MYOM2: variants seen among roughly 807,000 people sequenced by gnomAD.
MYOM2 encodes the protein myomesin 2, also known as myomesin-2.
MYOM2 carries 254 observed loss-of-function variants against 187.6 expected under a neutral mutation model. That is an observed-to-expected ratio of 1.35 (90% confidence interval 1.22 to 1.50). The LOEUF (loss-of-function observed/expected upper bound fraction) is 1.50. Among genes scored for constraint, MYOM2 ranks in the 40% most tolerant of loss-of-function variants. The probability of loss-of-function intolerance (pLI) is 0.00; values close to 1 mark genes in which losing one functional copy is unlikely to be tolerated. For synonymous variants in MYOM2, 981 were observed against 753.8 expected, an observed-to-expected ratio of 1.30 and a Z score of -4.94; for missense variants, 2,796 against 1,924.0, an observed-to-expected ratio of 1.45 and a Z score of -8.48.
chr8:2,058,328 G>C (rs571245129), intron 5 of MYOM2, among the ~76,000 whole-genome samples: 1 of 152,154 alleles, frequency 6.6e-6, no homozygotes, highest in East Asian at 1.9e-4. Flanking sequence ...AGAGTGTATT[G>C]TTTAAAAGTC....
intron 8 of MYOM2, among the ~76,000 whole-genome samples, chr8:2,071,934 C>T (rs1819236941): frequency 6.6e-6 from 1 of 152,172 alleles, no homozygotes; most frequent in Admixed American, 6.5e-5. Context: ...ACGATCTCAT[C>T]CCACCCTCAT....
Position 2,123,557 on chromosome 8 carries a change from G to C in MYOM2, c.3570G>C (p.Leu1190Phe), listed in dbSNP as rs1021074572. The C allele has an allele frequency of 1.9e-6, 3 of 1,613,028 alleles. No homozygotes were observed. Among genetic ancestry groups the C allele is most frequent in the Non-Finnish European group, 1.7e-6 (2 of 1,179,032 alleles). Reference protein sequence around the residue: ...RGICELLIPKLSKKDHGEYKA... With the variant: ...RGICELLIPKFSKKDHGEYKA... Reference sequence around the variant, plus strand: ...TATGGAATGTGTTTTCTTTGTAGTTGTCAAAGAAGGACCACGGTGAATACA... The same window carrying C: ...TATGGAATGTGTTTTCTTTGTAGTTCTCAAAGAAGGACCACGGTGAATACA... The change falls in exon 30 of 37, where the codon TTG (leucine) becomes TTC (phenylalanine). Residue 1190 changes from leucine (L) to phenylalanine (F), a missense_variant and splice_region_variant. Coordinates refer to ENST00000262113, the MANE Select transcript of MYOM2 (RefSeq NM_003970.4).
At chr8:2,061,833 A>G (rs1470069200) in intron 6 of MYOM2, among the ~76,000 whole-genome samples, 1 of 152,184 alleles carries the variant, frequency 6.6e-6, no homozygotes, top group East Asian at 1.9e-4. Flanking sequence ...GCTCACAGAG[A>G]GCTTGCTGTG....
chr8:2,101,061 C>T lies in MYOM2; in HGVS notation c.2619+7C>T, dbSNP rs1398982694. ...AGCCAGCCGTTATTTAAAGGTAAGT[C>T]TTGGCCGGCTGTGGTGGCTCATGCC... On this transcript the variant is annotated splice_region_variant and intron_variant, in intron 20 of 36. Coordinates refer to ENST00000262113, the MANE Select transcript of MYOM2 (RefSeq NM_003970.4). The T allele has an allele frequency of 1.9e-6, 3 of 1,613,426 alleles. No individual in the cohort carries two copies. The highest frequency in any genetic ancestry group is 2.7e-5 in the African/African-American group (2 of 74,892).
At chr8:2,095,475 A>G (rs144391229) in intron 17 of MYOM2, among the ~76,000 whole-genome samples, 2 of 152,034 alleles carry the variant, frequency 1.3e-5, no homozygotes, top group African/African-American at 4.8e-5. Context: ...ATTTTTTTGT[A>G]GAGATGGGGT....
At position 2,052,145 on chromosome 8, in the gene MYOM2, C is replaced by T. The variant is rs1210912926; in HGVS notation, c.108-13C>T. 3.7e-6 allele frequency: 6 copies of T among 1,612,614 alleles called. No individual in the cohort carries two copies. Among genetic ancestry groups the T allele is most frequent in the African/African-American group, 1.3e-5 (1 of 74,850 alleles). On this transcript the variant is annotated splice_polypyrimidine_tract_variant and intron_variant, in intron 2 of 36. Coordinates refer to ENST00000262113, the MANE Select transcript of MYOM2 (RefSeq NM_003970.4). ...TGAGCATGCATCTCCTAATCGTGTCCATGTTCCTGAAGGCGAGCTTCCACC... is the reference window on the plus strand; with the variant it reads ...TGAGCATGCATCTCCTAATCGTGTCTATGTTCCTGAAGGCGAGCTTCCACC...
At position 2,050,949 on chromosome 8, in the gene MYOM2, C is replaced by A; in HGVS notation, c.107+76C>A. On this transcript the variant is annotated intron_variant, in intron 2 of 36. Transcript: ENST00000262113. Reference sequence around the variant, plus strand: ...TGACATTTAAAGGCTTTTCCAGTTCCGTCAGCCCTGGAGAGGCACTGGTTT... The same window carrying A: ...TGACATTTAAAGGCTTTTCCAGTTCAGTCAGCCCTGGAGAGGCACTGGTTT... The A allele has an allele frequency of 4.2e-6, 5 of 1,193,672 alleles. No individual in the cohort carries two copies. The East Asian group carries it at 1.0e-4, about 24-fold the overall frequency. The allele number at this position is 1,193,672 out of a possible 1,614,324, so 73.9% of individuals were successfully genotyped here.
Position 2,076,841 on chromosome 8 carries a change from T to C in MYOM2, c.1262+559T>C, listed in dbSNP as rs368852912. Among the ~76,000 whole-genome samples the C allele has an allele frequency of 3.3e-5, 5 of 152,220 alleles. No individual in the cohort carries two copies. The South Asian group carries it at 1.0e-3, about 32-fold the overall frequency. ...ACATTTAGGTCATCGTTGGAGCCAG[T>C]GGAGTTTGAATTCTTTGACTTCCCG... On this transcript the variant is annotated intron_variant, in intron 11 of 36. Coordinates refer to ENST00000262113, the MANE Select transcript of MYOM2 (RefSeq NM_003970.4).
chr8:2,083,222 C>T (rs553321596), intron 13 of MYOM2, among the ~76,000 whole-genome samples: 4 of 152,276 alleles, frequency 2.6e-5, no homozygotes, highest in African/African-American at 7.2e-5. Flanking sequence ...ATTGACTTGG[C>T]CCAATACTCA....
chr8:2,065,346 G>T (rs573845914), intron 6 of MYOM2, among the ~76,000 whole-genome samples: 1 of 152,266 alleles, frequency 6.6e-6, no homozygotes, highest in Non-Finnish European at 1.5e-5. Flanking sequence ...CGAGGCAGGT[G>T]AATCACGAGG....
intron 31 of MYOM2, among the ~76,000 whole-genome samples, chr8:2,124,635 G>A (rs1457076104): frequency 6.6e-6 from 1 of 152,088 alleles, no homozygotes; most frequent in African/African-American, 2.4e-5. Flanking sequence ...TGGGATTGCT[G>A]GATCACATGT....
At position 2,139,647 on chromosome 8, in the gene MYOM2, C is replaced by T. The variant is rs142150448; in HGVS notation, c.3801-1076C>T. Among the ~76,000 whole-genome samples, 33 of 152,248 alleles carry T rather than the reference C, an allele frequency of 2.2e-4. No homozygotes were observed. The East Asian group carries it at 5.4e-3, about 25-fold the overall frequency. ...TGACCCAGCCTGCTTCCCCAAGCTGCGGCTGTTCTGGAGCTGGTGCCCGAG... is the reference window on the plus strand; with the variant it reads ...TGACCCAGCCTGCTTCCCCAAGCTGTGGCTGTTCTGGAGCTGGTGCCCGAG... On this transcript the variant is annotated intron_variant, in intron 32 of 36. Transcript: ENST00000262113.
At chr8:2,131,607 A>C (rs79298750) in intron 32 of MYOM2, among the ~76,000 whole-genome samples, 2 of 151,744 alleles carry the variant, frequency 1.3e-5, no homozygotes, top group African/African-American at 4.8e-5. Context: ...ATCTTCCCCA[A>C]ACAAATTCAT....
rs752164013 is a variant in MYOM2, at chr8:2,101,015, C to T, written c.2580C>T (p.Ile860=). The change falls in exon 20 of 37, where the codon ATC becomes ATT. Residue 860 remains isoleucine, a synonymous_variant. Coordinates refer to ENST00000262113, the MANE Select transcript of MYOM2 (RefSeq NM_003970.4). ...GGGAGGAGGATGCTGGAGAGTGGAT[C>T]ACTGTCAATCAGACGACAACAGCCA... is the stretch of plus-strand genomic sequence containing the variant. ...DFREEDAGEW[I]TVNQTTTASR... is the part of the protein sequence containing the mutation. 6.2e-7 allele frequency: 1 copy of T among 1,614,140 alleles called. No homozygotes were observed. Among genetic ancestry groups the T allele is most frequent in the Non-Finnish European group, 8.5e-7 (1 of 1,180,030 alleles).
At chr8:2,092,235 A>G in intron 15 of MYOM2, 111 bp from the exon 16 acceptor site, 1 of 1,321,772 alleles carries the variant, frequency 7.6e-7, no homozygotes, top group Non-Finnish European at 1.0e-6. Context: ...AATTTCTTCC[A>G]AAGCCCCCAG....
chr8:2,076,182 G>GGTGC lies in MYOM2; in HGVS notation c.1162_1163insGTGC (p.Asp388GlyfsTer25). On this transcript the variant is annotated frameshift_variant, in exon 11 of 37. Transcript: ENST00000262113. LOFTEE classifies it high-confidence loss of function. ...CACAGGGGCCCCCGGTGCACCCATG[G>GGTGC]ACTTGCAGTGCCACGACGCCAACCG... 5.0e-6 allele frequency: 8 copies of GGTGC among 1,613,336 alleles called. No individual in the cohort carries two copies. The highest frequency in any genetic ancestry group is 6.8e-6 in the Non-Finnish European group (8 of 1,179,898).
intron 24 of MYOM2, 135 bp downstream of exon 24, chr8:2,108,965 G>A (rs1796980900): frequency 1.2e-6 from 1 of 825,112 alleles, no homozygotes; most frequent in Admixed American, 2.6e-5. Context: ...TTACAGGATT[G>A]AAACCTATTG....
chr8:2,084,117 C>T (rs767755815), intron 13 of MYOM2, among the ~76,000 whole-genome samples: 1 of 152,208 alleles, frequency 6.6e-6, no homozygotes, highest in South Asian at 2.1e-4. Context: ...GAGTTTTCTG[C>T]ATCTTCTCTC....
At chr8:2,129,289 A>G (rs553167008) in intron 32 of MYOM2, 57 bp downstream of exon 32, 2 of 1,215,734 alleles carry the variant, frequency 1.6e-6, no homozygotes, top group Admixed American at 3.4e-5. Flanking sequence ...TCCAGGGCGC[A>G]CAGCTGGGAC....
Sources: gnomAD v4.1 joint callset for allele counts (sites outside exome capture counted in the v4.1 genomes callset) on GRCh38, gnomAD v4.1.1 for gene constraint, MANE v1.5 for transcripts, NCBI Gene and HGNC (gene_info 2026-07-23, HGNC 2026-07-21) for gene names.